The following IL1RAPL2 variants were observed in gnomAD, a reference collection of about 807,000 sequenced individuals.
IL1RAPL2 encodes the protein X-linked interleukin-1 receptor accessory protein-like 2.
A neutral mutation model predicts 44.1 loss-of-function variants in IL1RAPL2; 3 were observed. The ratio of observed to expected loss-of-function variants is 0.07; its 90% CI spans 0.03 to 0.18. The LOEUF (loss-of-function observed/expected upper bound fraction) is 0.18. Among genes scored for constraint, IL1RAPL2 ranks in the 10% least tolerant of loss-of-function variants. IL1RAPL2 has a pLI of 1.00. For synonymous variants in IL1RAPL2, 181 were observed against 178.8 expected (o/e 1.01, Z -0.10); for missense variants, 391 against 496.4 (o/e 0.79, Z 2.02).
intron 6 of IL1RAPL2, among the ~76,000 whole-genome samples, chrX:105,642,337 G>A (rs1406083533): frequency 8.9e-6 from 1 of 112,384 alleles, no homozygotes; most frequent in Non-Finnish European, 1.9e-5. Flanking sequence ...GGAATTGCAA[G>A]TGGAATTGTA....
chrX:105,259,814 G>C lies in IL1RAPL2; in HGVS notation c.544-7574G>C, dbSNP rs144193676. On this transcript the variant is annotated intron_variant, in intron 4 of 10. Transcript: ENST00000372582. ...TGTCCTTGGAGACTCTGTCCAGGAAGTTGCTAAGTTGCCTGGAGGACCTGC... is the reference window on the plus strand; with the variant it reads ...TGTCCTTGGAGACTCTGTCCAGGAACTTGCTAAGTTGCCTGGAGGACCTGC... Among the ~76,000 whole-genome samples the C allele has an allele frequency of 3.9e-3, 436 of 111,915 alleles. 1 individual carries two copies. The highest frequency in any genetic ancestry group is 0.013 in the African/African-American group (406 of 30,822).
chrX:105,556,155 T>A (rs1008889556), intron 6 of IL1RAPL2, among the ~76,000 whole-genome samples: 10 of 112,198 alleles, frequency 8.9e-5, no homozygotes, highest in Non-Finnish European at 1.9e-5. Context: ...TGACTATCAC[T>A]GTCAAATTTT....
At chrX:104,637,423 C>G (rs939422951) in intron 1 of IL1RAPL2, among the ~76,000 whole-genome samples, 3 of 111,158 alleles carry the variant, frequency 2.7e-5, no homozygotes, top group Admixed American at 9.6e-5. Context: ...TCAGTTTTTC[C>G]CCATTCAATA....
intron 2 of IL1RAPL2, among the ~76,000 whole-genome samples, chrX:104,929,341 C>T (rs957621453): frequency 3.6e-5 from 4 of 111,818 alleles, no homozygotes; most frequent in African/African-American, 1.3e-4. Flanking sequence ...CCCAAAAGAA[C>T]CTTCTGCAAT....
At chrX:105,251,646 T>C (rs2034269844) in intron 4 of IL1RAPL2, among the ~76,000 whole-genome samples, 1 of 109,049 alleles carries the variant, frequency 9.2e-6, no homozygotes, top group Admixed American at 9.9e-5. Context: ...AATGGGTATT[T>C]GGCATGTATA....
chrX:105,504,333 C>A (rs2036416502), intron 6 of IL1RAPL2, among the ~76,000 whole-genome samples: 1 of 111,432 alleles, frequency 9.0e-6, no homozygotes, highest in African/African-American at 3.3e-5. Context: ...GAGGAAATCC[C>A]TGCATATAAA....
chrX:104,628,948 T>C (rs1014852864), intron 1 of IL1RAPL2, among the ~76,000 whole-genome samples: 16 of 111,925 alleles, frequency 1.4e-4, no homozygotes, highest in Non-Finnish European at 3.0e-4. Flanking sequence ...GGTACATTCA[T>C]ACTATGGAAT....
intron 5 of IL1RAPL2, among the ~76,000 whole-genome samples, chrX:105,273,014 T>G (rs895298323): frequency 6.3e-5 from 7 of 111,161 alleles, no homozygotes; most frequent in Non-Finnish European, 7.5e-5. Context: ...CAGTGGAACA[T>G]AGCAATATGG....
intron 6 of IL1RAPL2, among the ~76,000 whole-genome samples, chrX:105,491,824 T>C (rs2036321327): frequency 8.9e-6 from 1 of 112,014 alleles, no homozygotes; most frequent in African/African-American, 3.2e-5. Flanking sequence ...TTCCCTTACT[T>C]TGTCTAAGTT....
chrX:104,660,945 T>TAC (rs1427644573), intron 2 of IL1RAPL2, among the ~76,000 whole-genome samples: 20 of 105,560 alleles, frequency 1.9e-4, no homozygotes, highest in African/African-American at 5.9e-4. Context: ...TATATATATA[T>TAC]ATACACACAC....
Position 104,849,454 on chromosome X carries a change from C to A in IL1RAPL2, c.82+190459C>A, listed in dbSNP as rs770519246. Among the ~76,000 whole-genome samples the A allele has an allele frequency of 2.9e-5, 3 of 103,282 alleles. No individual in the cohort carries two copies. The East Asian group carries it at 9.3e-4, about 32-fold the overall frequency. The allele number at this position is 103,282 out of a possible 115,157, so 89.7% of individuals were successfully genotyped here. On this transcript the variant is annotated intron_variant, in intron 2 of 10. Coordinates refer to ENST00000372582, the MANE Select transcript of IL1RAPL2 (RefSeq NM_017416.2). ...GTTAACCACTTTTTTTCCTTATGAACTTCATTTGTAAATTGTTAATCATTT... is the reference window on the plus strand; with the variant it reads ...GTTAACCACTTTTTTTCCTTATGAAATTCATTTGTAAATTGTTAATCATTT...
chrX:104,764,103 A>T (rs1453517894), intron 2 of IL1RAPL2, among the ~76,000 whole-genome samples: 1 of 110,459 alleles, frequency 9.1e-6, no homozygotes, highest in African/African-American at 3.3e-5. Flanking sequence ...GAAGAATGTC[A>T]TTGGTATTTT....
intron 2 of IL1RAPL2, among the ~76,000 whole-genome samples, chrX:104,731,165 G>T (rs1400278608): frequency 7.3e-5 from 8 of 110,027 alleles, no homozygotes; most frequent in African/African-American, 2.7e-4. Context: ...CCATTTTGTA[G>T]GTTGTCTGTT....
At position 105,562,811 on chromosome X, in the gene IL1RAPL2, A is replaced by G. The variant is rs971110710; in HGVS notation, c.772+78424A>G. ...GATCTGAAGTTCTCCTCCCACTGGA[A>G]TACTTTACACATAGTTAATTCATCC... On this transcript the variant is annotated intron_variant, in intron 6 of 10. Coordinates refer to ENST00000372582, the MANE Select transcript of IL1RAPL2 (RefSeq NM_017416.2). 3.6e-5 allele frequency among the ~76,000 whole-genome samples: 4 copies of G among 111,907 alleles called. No homozygotes were observed. In the Admixed American group the frequency reaches 3.8e-4, roughly 11 times the overall value.
In IL1RAPL2 at chrX:105,374,875, T is replaced by G. The variant is rs1294812318; in HGVS notation, c.697+107334T>G. Among the ~76,000 whole-genome samples, 11 of 96,433 alleles carry G rather than the reference T, an allele frequency of 1.1e-4. No homozygotes were observed. In the East Asian group the frequency reaches 3.2e-3, roughly 28 times the overall value. The allele number at this position is 96,433 out of a possible 115,157, so 83.7% of individuals were successfully genotyped here. On this transcript the variant is annotated intron_variant, in intron 5 of 10. Transcript: ENST00000372582. The stretch of plus-strand genomic sequence containing the variant: ...AGGCAGGAGAATGGCGTGAACCCGG[T>G]AGACGGAGCTTGCAGCGAGCCTAGA...
intron 5 of IL1RAPL2, among the ~76,000 whole-genome samples, chrX:105,423,963 C>T (rs12687102): frequency 9.0e-6 from 1 of 110,843 alleles, no homozygotes. Context: ...GCTCCTAGAC[C>T]TAAGCAAATT....
intron 2 of IL1RAPL2, among the ~76,000 whole-genome samples, chrX:105,166,848 C>G (rs910823809): frequency 1.8e-5 from 2 of 111,810 alleles, no homozygotes; most frequent in African/African-American, 6.5e-5. Flanking sequence ...TGAGGCTGTA[C>G]AGTTACACAG....
chrX:104,925,825 A>G (rs759341776), intron 2 of IL1RAPL2, among the ~76,000 whole-genome samples: 80 of 111,858 alleles, frequency 7.2e-4, no homozygotes, highest in Non-Finnish European at 1.2e-3. Flanking sequence ...CCTATTCAGC[A>G]TAATATTGAC....
chrX:104,581,762 C>T (rs1004193393), intron 1 of IL1RAPL2, among the ~76,000 whole-genome samples: 2 of 111,437 alleles, frequency 1.8e-5, no homozygotes, highest in African/African-American at 6.5e-5. Flanking sequence ...CTTCTGACCT[C>T]AAGTGATTTG....
Sources: gnomAD v4.1 joint callset for allele counts (sites outside exome capture counted in the v4.1 genomes callset) on GRCh38, gnomAD v4.1.1 for gene constraint, MANE v1.5 for transcripts, NCBI Gene and HGNC (gene_info 2026-07-23, HGNC 2026-07-21) for gene names.